TGFBR3: variants seen among roughly 807,000 people sequenced by gnomAD.
TGFBR3 encodes transforming growth factor beta receptor 3.
Under a neutral mutation model 87.9 loss-of-function variants are expected in TGFBR3, and 46 were observed. That is an observed-to-expected ratio of 0.52 (90% confidence interval 0.41 to 0.67). The LOEUF (loss-of-function observed/expected upper bound fraction) is 0.67. Ranked by LOEUF, TGFBR3 falls within the 30% of genes least tolerant of loss-of-function variation. TGFBR3 has a pLI of 0.00. For missense variants in TGFBR3, 866 were observed against 1,041.9 expected (o/e 0.83, Z 2.32); for synonymous variants, 381 against 391.6 (o/e 0.97, Z 0.32).
intron 2 of TGFBR3, among the ~76,000 whole-genome samples, chr1:91,895,558 T>A (rs1466004418): frequency 6.6e-6 from 1 of 151,984 alleles, no homozygotes; most frequent in East Asian, 1.9e-4. Context: ...TGGCCTTGAG[T>A]GAATCCTCCC....
intron 4 of TGFBR3, among the ~76,000 whole-genome samples, chr1:91,745,202 G>A (rs1673299464): frequency 6.6e-6 from 1 of 152,128 alleles, no homozygotes; most frequent in African/African-American, 2.4e-5. Context: ...AATGAAAATA[G>A]ACTCCTCCCC....
intron 1 of TGFBR3, among the ~76,000 whole-genome samples, chr1:91,884,192 C>T (rs1366959656): frequency 1.1e-4 from 12 of 105,090 alleles, no homozygotes; most frequent in Admixed American, 1.1e-3. Context: ...TGGTAGCGCG[C>T]GCCTGTAGTC....
At chr1:91,839,285 TAA>T (rs1443043695) in intron 2 of TGFBR3, among the ~76,000 whole-genome samples, 1 of 152,216 alleles carries the variant, frequency 6.6e-6, no homozygotes. Context: ...AGCCAAATCT[TAA>T]GTCTTTTTAT....
chr1:91,903,330 T>C (rs569483349), intron 1 of TGFBR3, among the ~76,000 whole-genome samples: 80 of 72,824 alleles, frequency 1.1e-3, no homozygotes, highest in Admixed American at 2.7e-3. Flanking sequence ...CAGAGTGAGA[T>C]TCTGCCTCAA....
intron 3 of TGFBR3, chr1:91,770,893 A>C (rs1041588345): frequency 2.6e-5 from 4 of 152,174 alleles, no homozygotes; most frequent in African/African-American, 4.8e-5. Context: ...TGCTTTCTGA[A>C]TCTTTTGTGG....
chr1:91,766,112 T>C (rs950442361), intron 3 of TGFBR3, among the ~76,000 whole-genome samples: 1 of 151,934 alleles, frequency 6.6e-6, no homozygotes, highest in African/African-American at 2.4e-5. Context: ...ACCGTAACCT[T>C]CAACTCCTCA....
At position 91,682,684 on chromosome 1, in the gene TGFBR3, T is replaced by C. The variant is rs1202117828; in HGVS notation, c.*1055A>G. 2 of 453,834 alleles carry C rather than the reference T, an allele frequency of 4.4e-6. No individual in the cohort carries two copies. The highest frequency in any genetic ancestry group is 8.8e-6 in the Non-Finnish European group (2 of 226,752). 28.1% of individuals were successfully genotyped at this position (453,834 alleles called of 1,614,324 possible). On this transcript the variant is annotated 3_prime_UTR_variant, in exon 17 of 17. Transcript: ENST00000212355. ...GCATCTTGCTACAGTTTGGTTTTTATGAAAGGGCCTATTTTTTTTTAAGTT... is the reference window on the plus strand; with the variant it reads ...GCATCTTGCTACAGTTTGGTTTTTACGAAAGGGCCTATTTTTTTTTAAGTT...
At chr1:91,706,905 T>C (rs1300748009) in intron 14 of TGFBR3, among the ~76,000 whole-genome samples, 3 of 152,230 alleles carry the variant, frequency 2.0e-5, no homozygotes, top group Non-Finnish European at 4.4e-5. Flanking sequence ...AAAAAGGAAC[T>C]ATTTGGACCA....
chr1:91,865,063 C>T (rs534953250), intron 1 of TGFBR3, among the ~76,000 whole-genome samples: 6 of 151,888 alleles, frequency 4.0e-5, no homozygotes, highest in South Asian at 4.2e-4. Flanking sequence ...GTTAGCCAGG[C>T]GTGGTGGTAC....
chr1:91,801,592 T>C (rs569677315), intron 2 of TGFBR3, among the ~76,000 whole-genome samples: 1 of 152,232 alleles, frequency 6.6e-6, no homozygotes, highest in African/African-American at 2.4e-5. Context: ...ATAAGATGGA[T>C]TGACAGATGG....
chr1:91,790,799 G>A (rs527712236), intron 3 of TGFBR3, among the ~76,000 whole-genome samples: 11 of 152,284 alleles, frequency 7.2e-5, no homozygotes, highest in African/African-American at 2.6e-4. Context: ...ATAGAGAAAA[G>A]AATGTAGCTA....
At chr1:91,757,191 G>A (rs1010415263) in intron 4 of TGFBR3, among the ~76,000 whole-genome samples, 1 of 152,076 alleles carries the variant, frequency 6.6e-6, no homozygotes, top group Non-Finnish European at 1.5e-5. Flanking sequence ...TGATACTTTT[G>A]AAGATTATAG....
In TGFBR3 at chr1:91,680,597, A is replaced by G; in HGVS notation, c.*3142T>C. 2.2e-6 allele frequency: 1 copy of G among 454,094 alleles called. No individual in the cohort carries two copies. Among genetic ancestry groups the G allele is most frequent in the South Asian group, 1.6e-5 (1 of 64,482 alleles). The allele number at this position is 454,094 out of a possible 1,614,324, so 28.1% of individuals were successfully genotyped here. A position where few individuals can be genotyped will look rare whatever the true frequency, so the allele number is the denominator to read the frequency against. On this transcript the variant is annotated 3_prime_UTR_variant, in exon 17 of 17. Coordinates refer to ENST00000212355, the MANE Select transcript of TGFBR3 (RefSeq NM_003243.5). Reference sequence around the variant, plus strand: ...AGAGAAGTATTGTATTTGGAAACTGATAATAGTCCTTTTTAGAAAAACATC... The same window carrying G: ...AGAGAAGTATTGTATTTGGAAACTGGTAATAGTCCTTTTTAGAAAAACATC...
intron 2 of TGFBR3, among the ~76,000 whole-genome samples, chr1:91,835,822 C>T (rs1258120046): frequency 1.3e-5 from 1 of 77,364 alleles, no homozygotes; most frequent in Non-Finnish European, 2.5e-5. Flanking sequence ...AGCGAGACTC[C>T]ACCTCAAAAA....
intron 9 of TGFBR3, 108 bp from the exon 10 acceptor site, chr1:91,719,572 C>G: frequency 7.2e-7 from 1 of 1,386,872 alleles, no homozygotes; most frequent in Non-Finnish European, 1.0e-6. Flanking sequence ...CGATGAGAGG[C>G]CTGCATCGTG....
At chr1:91,854,661 T>C (rs1477699462) in intron 2 of TGFBR3, among the ~76,000 whole-genome samples, 1 of 152,206 alleles carries the variant, frequency 6.6e-6, no homozygotes, top group African/African-American at 2.4e-5. Context: ...AAAAGCTTGA[T>C]TTACTCACCA....
chr1:91,828,085 C>T (rs547656304), intron 2 of TGFBR3, among the ~76,000 whole-genome samples: 3 of 152,196 alleles, frequency 2.0e-5, no homozygotes, highest in African/African-American at 7.2e-5. Flanking sequence ...AGGTCTGCTT[C>T]TCAAAGCCTG....
intron 2 of TGFBR3, among the ~76,000 whole-genome samples, chr1:91,826,783 T>C (rs1331180263): frequency 6.8e-6 from 1 of 147,872 alleles, no homozygotes; most frequent in Non-Finnish European, 1.5e-5. Flanking sequence ...ACCTGATGCC[T>C]GTCTCCCCTC....
At chr1:91,758,858 A>G (rs1673846628) in intron 3 of TGFBR3, 108 bp from the exon 4 acceptor site, 2 of 1,335,742 alleles carry the variant, frequency 1.5e-6, no homozygotes, top group Admixed American at 3.6e-5. Flanking sequence ...CAACAGAAAC[A>G]AGCTATAATG....
Sources: allele counts gnomAD v4.1 joint callset (sites outside exome capture counted in the v4.1 genomes callset), GRCh38; gene constraint gnomAD v4.1.1; transcripts MANE v1.5; gene names NCBI Gene and HGNC (gene_info 2026-07-23, HGNC 2026-07-21).